COL5A1: variants seen among roughly 807,000 people sequenced by gnomAD.
COL5A1 encodes the protein collagen type V alpha 1 chain.
COL5A1 carries 16 observed loss-of-function variants against 263.7 expected under a neutral mutation model. The observed-to-expected ratio is 0.06, with a 90% CI of 0.04 to 0.09. COL5A1 has a LOEUF of 0.09. COL5A1 is among the 10% of genes least tolerant of loss of function. The pLI is 1.00. For synonymous variants in COL5A1, 1,012 were observed against 1,004.5 expected (o/e 1.01, Z -0.14); for missense variants, 2,036 against 2,540.5 (o/e 0.80, Z 4.27).
chr9:134,828,679 T>C (rs368712864), intron 63 of COL5A1, among the ~76,000 whole-genome samples: 3 of 646 alleles, frequency 4.6e-3, no homozygotes, highest in African/African-American at 0.015. Context: ...TAATGCGCCA[T>C]ACACACCACA....
At chr9:134,781,642 G>C (rs1242989142) in intron 28 of COL5A1, among the ~76,000 whole-genome samples, 1 of 152,214 alleles carries the variant, frequency 6.6e-6, no homozygotes, top group Non-Finnish European at 1.5e-5. Flanking sequence ...CTCCCGCACT[G>C]TTCCCGAGGG....
chr9:134,712,195 C>CA (rs1834079779), intron 4 of COL5A1, among the ~76,000 whole-genome samples: 1 of 62,632 alleles, frequency 1.6e-5, no homozygotes, highest in East Asian at 7.3e-4. Context: ...CCTTCCTGCC[C>CA]CCTTCTTCCT....
chr9:134,796,518 C>A, intron 35 of COL5A1, 100 bp downstream of exon 35: 1 of 1,230,326 alleles, frequency 8.1e-7, no homozygotes, highest in Non-Finnish European at 1.2e-6. Flanking sequence ...GGGAGGCACG[C>A]CTCAGACCCT....
intron 8 of COL5A1, among the ~76,000 whole-genome samples, 188 bp downstream of exon 8, chr9:134,731,851 G>A (rs114388964): frequency 0.024 from 3,598 of 152,220 alleles, 56 homozygotes; most frequent in Middle Eastern, 0.041. Flanking sequence ...CGTGTGTATC[G>A]GAGCATACTC....
rs1350406815 is a variant in COL5A1 at position 134,818,089 on chromosome 9, G to T, written c.4230+258G>T. Reference sequence around the variant, plus strand: ...GCGGGTGGTGGGTGCGGGATTCAGGGAGCCCAAGGCTGAGTAGTTATGTCC... The same window carrying T: ...GCGGGTGGTGGGTGCGGGATTCAGGTAGCCCAAGGCTGAGTAGTTATGTCC... On this transcript the variant is annotated intron_variant, in intron 54 of 65. Coordinates refer to ENST00000371817, the MANE Select transcript of COL5A1 (RefSeq NM_000093.5). The surrounding 1 kb of genome is among the most constrained non-coding windows in gnomAD (Gnocchi z 6.0). Among the ~76,000 whole-genome samples, 1 of 152,232 alleles carries T rather than the reference G, an allele frequency of 6.6e-6. No individual in the cohort carries two copies. The highest frequency in any genetic ancestry group is 2.4e-5 in the African/African-American group (1 of 41,470).
intron 37 of COL5A1, among the ~76,000 whole-genome samples, chr9:134,800,556 C>T (rs1838071906): frequency 1.3e-5 from 2 of 152,008 alleles, no homozygotes; most frequent in South Asian, 4.1e-4. Flanking sequence ...ACCAGCCCGG[C>T]CAACATGGTG....
chr9:134,669,527 C>T (rs943571249), intron 1 of COL5A1, among the ~76,000 whole-genome samples: 6 of 152,076 alleles, frequency 3.9e-5, no homozygotes, highest in East Asian at 3.9e-4. Context: ...CTACACTAGG[C>T]GGCCAGGAGT....
At chr9:134,746,751 G>A (rs1031313730) in intron 11 of COL5A1, among the ~76,000 whole-genome samples, 1 of 152,242 alleles carries the variant, frequency 6.6e-6, no homozygotes, top group Admixed American at 6.5e-5. Flanking sequence ...GCCAGCTAAT[G>A]GAGTAACAGG....
rs1447417088 is a variant in COL5A1, at chr9:134,642,868, T to C, written c.109+572T>C. On this transcript the variant is annotated intron_variant, in intron 1 of 65. Transcript: ENST00000371817. The surrounding 1 kb of genome is among the most constrained non-coding windows in gnomAD (Gnocchi z 4.5). ...TCCTGCAGCCTTGGTCACCTAAGTGTTCGGGGGCACTGGGGACCCCTGCAG... is the reference window on the plus strand; with the variant it reads ...TCCTGCAGCCTTGGTCACCTAAGTGCTCGGGGGCACTGGGGACCCCTGCAG... 6.6e-6 allele frequency among the ~76,000 whole-genome samples: 1 copy of C among 152,170 alleles called. No homozygotes were observed. Among genetic ancestry groups the C allele is most frequent in the Non-Finnish European group, 1.5e-5 (1 of 68,026 alleles).
At chr9:134,761,815 G>C in intron 18 of COL5A1, 110 bp from the exon 19 acceptor site, 1 of 1,116,022 alleles carries the variant, frequency 9.0e-7, no homozygotes, top group Non-Finnish European at 1.4e-6. Flanking sequence ...AGGGTCTTTT[G>C]AGAGCTTGGG....
chr9:134,837,317 G>A (rs1317039655), intron 65 of COL5A1, among the ~76,000 whole-genome samples: 1 of 152,108 alleles, frequency 6.6e-6, no homozygotes, highest in African/African-American at 2.4e-5. Context: ...AAAGGGAGAG[G>A]AACAGCTTTC....
intron 5 of COL5A1, 76 bp from the exon 6 acceptor site, chr9:134,728,594 T>C: frequency 1.2e-6 from 2 of 1,600,734 alleles, no homozygotes; most frequent in Non-Finnish European, 1.7e-6. Context: ...GATCTGGAGG[T>C]TGCGGAAGGA....
chr9:134,763,004 C>T (rs1836519273), intron 19 of COL5A1, among the ~76,000 whole-genome samples: 1 of 151,996 alleles, frequency 6.6e-6, no homozygotes, highest in South Asian at 2.1e-4. Flanking sequence ...GTGTGTATGG[C>T]TGTGTATGCA....
chr9:134,769,873 TC>T (rs1836814813), intron 25 of COL5A1, among the ~76,000 whole-genome samples: 1 of 152,170 alleles, frequency 6.6e-6, no homozygotes, highest in Non-Finnish European at 1.5e-5. Flanking sequence ...CACCCCACCT[TC>T]CTGCCAAGAT....
intron 4 of COL5A1, among the ~76,000 whole-genome samples, chr9:134,722,985 C>T (rs1030157007): frequency 5.3e-5 from 8 of 152,164 alleles, no homozygotes; most frequent in Admixed American, 3.3e-4. Flanking sequence ...CTCAAAATGC[C>T]CCCAGTTTAC....
At chr9:134,744,694 C>T (rs536706559) in intron 11 of COL5A1, among the ~76,000 whole-genome samples, 1 of 151,612 alleles carries the variant, frequency 6.6e-6, no homozygotes, top group Admixed American at 6.6e-5. Flanking sequence ...CATGCATGCA[C>T]ACACCCATAC....
intron 64 of COL5A1, among the ~76,000 whole-genome samples, chr9:134,830,604 C>G (rs529647953): frequency 1.3e-5 from 2 of 152,188 alleles, no homozygotes; most frequent in East Asian, 3.9e-4. Flanking sequence ...ACCTGCACCA[C>G]GGATCCCCTC....
chr9:134,761,743 C>A (rs1456402535), intron 18 of COL5A1, among the ~76,000 whole-genome samples, 182 bp from the exon 19 acceptor site: 1 of 152,222 alleles, frequency 6.6e-6, no homozygotes, highest in African/African-American at 2.4e-5. Flanking sequence ...TGAGAGTCTG[C>A]AGCCTGCATT....
At chr9:134,644,867 T>C (rs1831424764) in intron 1 of COL5A1, among the ~76,000 whole-genome samples, 1 of 152,182 alleles carries the variant, frequency 6.6e-6, no homozygotes, top group African/African-American at 2.4e-5. Context: ...CAATAATTTG[T>C]GGGGAGAGTC....
Sources: allele counts gnomAD v4.1 joint callset (sites outside exome capture counted in the v4.1 genomes callset), GRCh38; gene constraint gnomAD v4.1.1; non-coding constraint Gnocchi (gnomAD v3.1); transcripts MANE v1.5; gene names NCBI Gene and HGNC (gene_info 2026-07-23, HGNC 2026-07-21).